The following TOX2 variants were observed in gnomAD, a reference collection of about 807,000 sequenced individuals.
TOX2 encodes granulosa cell HMG box 1.
A neutral mutation model predicts 47.4 loss-of-function variants in TOX2; 15 were observed. The ratio of observed to expected loss-of-function variants is 0.32; its 90% confidence interval spans 0.21 to 0.49. The LOEUF is 0.49. Among genes scored for constraint, TOX2 ranks in the 20% least tolerant of loss-of-function variants. The pLI is 0.99. For synonymous variants in TOX2, 290 were observed against 296.6 expected, an observed-to-expected ratio of 0.98 and a Z score of 0.23; for missense variants, 622 against 673.1, an observed-to-expected ratio of 0.92 and a Z score of 0.84.
chr20:44,064,745 C>T, intron 5 of TOX2, 32 bp from the exon 6 acceptor site: 1 of 1,607,494 alleles, frequency 6.2e-7, no homozygotes, highest in African/African-American at 1.3e-5. Context: ...GTAACTTTCT[C>T]CCCAGTGTTG....
At chr20:43,996,098 C>G (rs907734513) in intron 2 of TOX2, among the ~76,000 whole-genome samples, 1 of 152,160 alleles carries the variant, frequency 6.6e-6, no homozygotes, top group African/African-American at 2.4e-5. Flanking sequence ...ATATTGCTTT[C>G]CACAATGGTT....
At position 44,066,035 on chromosome 20, in the gene TOX2, GC is replaced by G; in HGVS notation, c.1289del (p.Pro430LeufsTer15). ...PPVSMSPAPQ[P>X]PVLPTPMALQ... ...CTGTTAGCATGTCCCCAGCCCCCCAGCCCCCTGTCCTGCCCACCCCCATGGC... is the reference window on the plus strand; with the variant it reads ...CTGTTAGCATGTCCCCAGCCCCCCAGCCCCTGTCCTGCCCACCCCCATGGC... On this transcript the variant is annotated frameshift_variant, in exon 7 of 9. Transcript: ENST00000341197. LOFTEE classifies it high-confidence loss of function. The G allele has an allele frequency of 1.3e-6, 2 of 1,596,920 alleles. No individual in the cohort carries two copies.
intron 1 of TOX2, among the ~76,000 whole-genome samples, chr20:43,956,025 G>C (rs1489957160): frequency 9.7e-6 from 1 of 103,066 alleles, no homozygotes; most frequent in Non-Finnish European, 1.8e-5. Context: ...TTCCATGAAT[G>C]GGCCCTTCCC....
At chr20:43,978,364 C>A (rs1320190758) in intron 2 of TOX2, among the ~76,000 whole-genome samples, 11 of 152,210 alleles carry the variant, frequency 7.2e-5, no homozygotes, top group Non-Finnish European at 1.0e-4. Flanking sequence ...CCCTCCCGCC[C>A]TTCTTCTAAG....
chr20:43,985,605 A>C (rs1346725769), intron 2 of TOX2, among the ~76,000 whole-genome samples: 5 of 152,204 alleles, frequency 3.3e-5, no homozygotes, highest in Non-Finnish European at 7.3e-5. Context: ...TGCTTGGTAC[A>C]TAGCAATTGG....
In TOX2 at chr20:44,052,174, C is replaced by G. The variant is rs577718588; in HGVS notation, c.651+629C>G. 6.6e-5 allele frequency among the ~76,000 whole-genome samples: 10 copies of G among 152,238 alleles called. No individual in the cohort carries two copies. The East Asian group carries it at 1.2e-3, about 18-fold the overall frequency. On this transcript the variant is annotated intron_variant, in intron 4 of 8. Coordinates refer to ENST00000341197, the MANE Select transcript of TOX2 (RefSeq NM_001098797.2). ...AGGGTGGGGTGCAAAAATGACCGCC[C>G]CACTGGGAACATGCATTCCCCCAAC...
chr20:44,066,351 T>G (rs1256043057), intron 7 of TOX2, among the ~76,000 whole-genome samples: 1 of 152,116 alleles, frequency 6.6e-6, no homozygotes, highest in Non-Finnish European at 1.5e-5. Context: ...AGTCCCCCCT[T>G]CCTGCATCCT....
chr20:43,974,326 C>T (rs1161468826), intron 2 of TOX2, among the ~76,000 whole-genome samples: 11 of 151,302 alleles, frequency 7.3e-5, no homozygotes, highest in South Asian at 2.1e-4. Context: ...TCACTGCAGG[C>T]GGGGGCCCCA....
intron 2 of TOX2, among the ~76,000 whole-genome samples, chr20:43,977,370 C>A (rs2070100188): frequency 6.6e-6 from 1 of 152,188 alleles, no homozygotes; most frequent in Admixed American, 6.5e-5. Flanking sequence ...CTCGGCCTCC[C>A]AAAGTGGTGG....
At chr20:44,006,296 C>T (rs2070678057) in intron 2 of TOX2, among the ~76,000 whole-genome samples, 1 of 152,160 alleles carries the variant, frequency 6.6e-6, no homozygotes, top group African/African-American at 2.4e-5. Context: ...GGGAGCCGGC[C>T]CCCATTCTCC....
At chr20:44,023,431 G>GAAAAA (rs35627597) in intron 3 of TOX2, among the ~76,000 whole-genome samples, 7,975 of 118,704 alleles carry the variant, frequency 0.067, 540 homozygotes, top group African/African-American at 0.16. Flanking sequence ...CTTTATCTCA[G>GAAAAA]AAAAAAAAAA....
chr20:43,930,365 C>T (rs1569006511), intron 1 of TOX2, among the ~76,000 whole-genome samples: 2 of 152,198 alleles, frequency 1.3e-5, no homozygotes, highest in South Asian at 2.1e-4. Context: ...AGTGTTAATC[C>T]ATGTGAATTC....
intron 3 of TOX2, among the ~76,000 whole-genome samples, chr20:44,021,689 T>G (rs1173192888): frequency 6.6e-6 from 1 of 152,000 alleles, no homozygotes; most frequent in East Asian, 1.9e-4. Flanking sequence ...AGTGCAGCGG[T>G]GCAATCATGG....
At chr20:43,978,461 G>C (rs1450885717) in intron 2 of TOX2, among the ~76,000 whole-genome samples, 1 of 150,636 alleles carries the variant, frequency 6.6e-6, no homozygotes, top group African/African-American at 2.5e-5. Context: ...AAGAACCAGA[G>C]TCAGAAAAAC....
intron 2 of TOX2, among the ~76,000 whole-genome samples, chr20:43,992,843 G>C (rs2070392163): frequency 7.1e-6 from 1 of 139,966 alleles, no homozygotes; most frequent in South Asian, 2.4e-4. Flanking sequence ...ATTCGTGTAG[G>C]GTTTACAAAA....
At chr20:43,989,949 G>T (rs1038377128) in intron 2 of TOX2, among the ~76,000 whole-genome samples, 2 of 152,150 alleles carry the variant, frequency 1.3e-5, no homozygotes, top group African/African-American at 2.4e-5. Context: ...ACTGAAGGGG[G>T]ATTTACTTCC....
At chr20:43,981,748 A>C (rs1389311128) in intron 2 of TOX2, among the ~76,000 whole-genome samples, 2 of 151,988 alleles carry the variant, frequency 1.3e-5, no homozygotes, top group Non-Finnish European at 2.9e-5. Flanking sequence ...AAAGGAAGTG[A>C]CTCTGGGCTT....
intron 3 of TOX2, among the ~76,000 whole-genome samples, chr20:44,016,793 G>T (rs754752755): frequency 6.6e-6 from 1 of 152,180 alleles, no homozygotes; most frequent in South Asian, 2.1e-4. Context: ...TCTCACAGAG[G>T]CTGCCTGGAT....
intron 3 of TOX2, among the ~76,000 whole-genome samples, chr20:44,043,244 C>T (rs992817511): frequency 1.3e-5 from 2 of 152,074 alleles, no homozygotes; most frequent in Admixed American, 1.3e-4. Flanking sequence ...CCCCTCATTC[C>T]AGACTTCCCA....
Sources: allele counts gnomAD v4.1 joint callset (sites outside exome capture counted in the v4.1 genomes callset), GRCh38; gene constraint gnomAD v4.1.1; transcripts MANE v1.5; gene names NCBI Gene and HGNC (gene_info 2026-07-23, HGNC 2026-07-21).